AK1: variants seen among roughly 807,000 people sequenced by gnomAD.
AK1 encodes adenylate kinase 1.
A neutral mutation model predicts 23.9 loss-of-function variants in AK1; 13 were observed. The observed-to-expected ratio is 0.54, with a 90% CI of 0.35 to 0.86. AK1 has a LOEUF of 0.86. Among genes scored for constraint, AK1 ranks in the 40% least tolerant of loss-of-function variants. The pLI is 0.01. For synonymous variants in AK1, 97 were observed against 102.8 expected (o/e 0.94, Z 0.34); for missense variants, 214 against 255.1 (o/e 0.84, Z 1.10).
Position 127,872,767 on chromosome 9 carries a change from G to A in AK1, c.130C>T (p.Arg44Trp), listed in dbSNP as rs370153108. ...YTHLSTGDLL[R>W]SEVSSGSARG... ...GCCGAGCCTGAGCTGACCTCGGACC[G>A]CAGGAGGTCCCCGGTGGAGAGGTGG... Residue 44 changes from arginine to tryptophan, a missense_variant, in exon 4 of 7, where the codon CGG becomes TGG. Arg to Trp is a moderately radical substitution (Grantham distance 101). Coordinates refer to ENST00000644144, the MANE Select transcript of AK1 (RefSeq NM_000476.3). 7.4e-6 allele frequency: 12 copies of A among 1,613,974 alleles called. No homozygotes were observed. The highest frequency in any genetic ancestry group is 1.1e-5 in the South Asian group (1 of 91,084).
rs1025039624 is a variant in AK1, at chr9:127,873,989, C to T, written c.7+622G>A. ...GGGCTCCTCCTGTGGGCCCCTATCC[C>T]GGGGGTGCAGTGGCCGCAGCCCTAT... On this transcript the variant is annotated intron_variant, in intron 2 of 6. Coordinates refer to ENST00000644144, the MANE Select transcript of AK1 (RefSeq NM_000476.3). The T allele has an allele frequency of 1.3e-5, 13 of 985,290 alleles. No homozygotes were observed. The Admixed American group carries it at 1.8e-4, about 14-fold the overall frequency. The allele number at this position is 985,290 out of a possible 1,614,324, so 61.0% of individuals were successfully genotyped here.
chr9:127,873,364 T>C, intron 2 of AK1: 3 of 1,566,900 alleles, frequency 1.9e-6, no homozygotes, highest in Non-Finnish European at 2.6e-6. Context: ...GGCGCCTCCC[T>C]GTGGGTGCCT....
In AK1 at chr9:127,871,052, T is replaced by C. The variant is rs1829395632; in HGVS notation, c.324+771A>G. On this transcript the variant is annotated intron_variant, in intron 5 of 6. Transcript: ENST00000644144. This position sits in a 1 kb window ranked among gnomAD's most constrained non-coding sequence, Gnocchi z 4.4. ...ATGTGTGCTGCGTCCGTGACATGCA[T>C]GTGCAGGAGTGCAGTATCCACTGCC... Among the ~76,000 whole-genome samples the C allele has an allele frequency of 6.6e-6, 1 of 151,834 alleles. No homozygotes were observed. Among genetic ancestry groups the C allele is most frequent in the Non-Finnish European group, 1.5e-5 (1 of 68,040 alleles).
At position 127,871,037 on chromosome 9, in the gene AK1, C is replaced by T. The variant is rs996810725; in HGVS notation, c.324+786G>A. 2.0e-5 allele frequency among the ~76,000 whole-genome samples: 3 copies of T among 151,816 alleles called. No homozygotes were observed. Among genetic ancestry groups the T allele is most frequent in the Admixed American group, 6.5e-5 (1 of 15,284 alleles). On this transcript the variant is annotated intron_variant, in intron 5 of 6. Transcript: ENST00000644144. The surrounding 1 kb of genome is among the most constrained non-coding windows in gnomAD (Gnocchi z 4.4). ...TGTGCATTCCTGCATATGTGTGCTG[C>T]GTCCGTGACATGCATGTGCAGGAGT... is the stretch of plus-strand genomic sequence containing the variant.
intron 2 of AK1, chr9:127,873,284 C>T (rs1435627335): frequency 3.7e-5 from 57 of 1,532,164 alleles, no homozygotes; most frequent in South Asian, 1.1e-4. Context: ...GGCAGCCAGA[C>T]GGGCAGAGGC....
intron 3 of AK1, 86 bp downstream of exon 3, chr9:127,872,940 C>G: frequency 6.2e-7 from 1 of 1,613,080 alleles, no homozygotes; most frequent in Non-Finnish European, 8.5e-7. Context: ...GAGGGAGGGG[C>G]AGAGCCCAGG....
At chr9:127,872,350 G>GT (rs967564451) in intron 4 of AK1, among the ~76,000 whole-genome samples, 31 of 152,220 alleles carry the variant, frequency 2.0e-4, no homozygotes, top group African/African-American at 7.2e-4. Flanking sequence ...ATTGGGGGGG[G>GT]AGGTCTTAGG....
intron 1 of AK1, among the ~76,000 whole-genome samples, chr9:127,876,727 C>T (rs1463951070): frequency 6.7e-6 from 1 of 150,016 alleles, no homozygotes; most frequent in Non-Finnish European, 1.5e-5. Context: ...TTCCTTGATC[C>T]AAAATAACTT....
chr9:127,874,004 C>T (rs1030745951), intron 2 of AK1: 12 of 985,292 alleles, frequency 1.2e-5, no homozygotes, highest in Non-Finnish European at 1.2e-5. Flanking sequence ...GTGCAGTGGC[C>T]GCAGCCCTAT....
At chr9:127,869,939 G>A (rs555057971) in intron 5 of AK1, among the ~76,000 whole-genome samples, 6 of 152,352 alleles carry the variant, frequency 3.9e-5, no homozygotes, top group African/African-American at 1.4e-4. Flanking sequence ...TGGCTGTGGG[G>A]CCTCAGTCTC....
intron 3 of AK1, 59 bp downstream of exon 3, chr9:127,872,966 CG>C: frequency 1.2e-6 from 2 of 1,613,570 alleles, no homozygotes; most frequent in South Asian, 2.2e-5. Flanking sequence ...GCCCCAGGCC[CG>C]GGCTCCCTCC....
chr9:127,872,750 T>C lies in AK1; in HGVS notation c.147A>G (p.Ser49=), dbSNP rs751978476. The C allele has an allele frequency of 2.5e-6, 4 of 1,613,912 alleles. No homozygotes were observed. The East Asian group carries it at 6.7e-5, about 27-fold the overall frequency. The change falls in exon 4 of 7, where the codon TCA becomes TCG. Residue 49 remains serine, a synonymous_variant. Transcript: ENST00000644144. ...TGDLLRSEVS[S]GSARGKKLSE... ...ACAGCTTCTTGCCCCTGGCCGAGCC[T>C]GAGCTGACCTCGGACCGCAGGAGGT...
At chr9:127,872,069 C>A in intron 4 of AK1, 130 bp from the exon 5 acceptor site, 2 of 783,354 alleles carry the variant, frequency 2.6e-6, no homozygotes, top group South Asian at 1.4e-5. Context: ...CAAGCCTCCC[C>A]CTCCAGGAAG....
rs532127928 is a variant in AK1, at chr9:127,872,683, C to G, written c.207+7G>C. 3.3e-5 allele frequency: 53 copies of G among 1,613,856 alleles called. No homozygotes were observed. The Middle Eastern group carries it at 6.6e-4, about 20-fold the overall frequency. ...CCCTGCCTCTCACCCCACCAGGGCC[C>G]ACTCACCAGTGGAACCAGCTGCCCC... On this transcript the variant is annotated splice_region_variant and intron_variant, in intron 4 of 6. Transcript: ENST00000644144.
chr9:127,874,548 A>G, intron 2 of AK1, 63 bp downstream of exon 2: 2 of 1,611,864 alleles, frequency 1.2e-6, no homozygotes, highest in South Asian at 2.2e-5. Flanking sequence ...CTGAGAGCGC[A>G]CCCCCTTAAT....
intron 5 of AK1, among the ~76,000 whole-genome samples, chr9:127,870,305 T>A (rs567100830): frequency 3.5e-4 from 52 of 147,076 alleles, no homozygotes; most frequent in African/African-American, 1.3e-3. Context: ...CAGGTTCAAA[T>A]GATTCTCGTG....
Position 127,873,077 on chromosome 9 carries a change from G to A in AK1, c.8-16C>T, listed in dbSNP as rs1193988253. 1 of 1,612,884 alleles carries A rather than the reference G, an allele frequency of 6.2e-7. No homozygotes were observed. Among genetic ancestry groups the A allele is most frequent in the Non-Finnish European group, 8.5e-7 (1 of 1,179,426 alleles). Reference sequence around the variant, plus strand: ...TTCAGCTTCTCTGCGGGAGAGAAAAGGGGAGCAGGGCTCAGTCACTCGCTG... The same window carrying A: ...TTCAGCTTCTCTGCGGGAGAGAAAAAGGGAGCAGGGCTCAGTCACTCGCTG... On this transcript the variant is annotated splice_polypyrimidine_tract_variant and intron_variant, in intron 2 of 6. Coordinates refer to ENST00000644144, the MANE Select transcript of AK1 (RefSeq NM_000476.3).
Position 127,868,453 on chromosome 9 carries a change from C to T in AK1, c.384G>A (p.Arg128=). 1.2e-6 allele frequency: 2 copies of T among 1,609,210 alleles called. No homozygotes were observed. The highest frequency in any genetic ancestry group is 1.7e-6 in the Non-Finnish European group (2 of 1,177,854). ...VDAGPETMTQ[R]LLKRGETSGR... ...CGCTGGTCTCTCCACGTTTCAAGAG[C>T]CGCTGGGTCATGGTCTCAGGGCCTG... Residue 128 remains arginine, a synonymous_variant, in exon 6 of 7, where the codon CGG becomes CGA. Transcript: ENST00000644144. The surrounding 1 kb of genome is among the most constrained non-coding windows in gnomAD (Gnocchi z 4.1).
At chr9:127,869,759 G>T (rs1418668952) in intron 5 of AK1, among the ~76,000 whole-genome samples, 1 of 152,162 alleles carries the variant, frequency 6.6e-6, no homozygotes, top group Non-Finnish European at 1.5e-5. Context: ...TCAACTTCAA[G>T]GTCACCCACC....
Sources: gnomAD v4.1 joint callset for allele counts (sites outside exome capture counted in the v4.1 genomes callset) on GRCh38, gnomAD v4.1.1 for gene constraint, Gnocchi (gnomAD v3.1) non-coding constraint, MANE v1.5 for transcripts, NCBI Gene and HGNC (gene_info 2026-07-23, HGNC 2026-07-21) for gene names.